Variants in LRP1B observed in about 807,000 individuals in gnomAD.
LRP1B encodes low-density lipoprotein receptor-related protein 1B.
A neutral mutation model predicts 556.6 loss-of-function variants in LRP1B; 217 were observed. That is an observed-to-expected ratio of 0.39 (90% CI 0.35 to 0.44). The LOEUF is 0.44. Among genes scored for constraint, LRP1B ranks in the 20% least tolerant of loss-of-function variants. The pLI, the probability that LRP1B is intolerant of heterozygous loss-of-function variation, is 1.00. For missense variants in LRP1B, 5,053 were observed against 5,620.8 expected, an observed-to-expected ratio of 0.90 and a Z score of 3.23; for synonymous variants, 2,047 against 1,865.8, an observed-to-expected ratio of 1.10 and a Z score of -2.50.
At chr2:140,562,937 A>T (rs1038265554) in intron 43 of LRP1B, among the ~76,000 whole-genome samples, 1 of 152,120 alleles carries the variant, frequency 6.6e-6, no homozygotes, top group African/African-American at 2.4e-5. Flanking sequence ...TAAGTTGAAA[A>T]GTAAAGTAAA....
intron 1 of LRP1B, among the ~76,000 whole-genome samples, chr2:141,862,999 T>G (rs1698298635): frequency 6.6e-6 from 1 of 152,212 alleles, no homozygotes; most frequent in Middle Eastern, 3.2e-3. Flanking sequence ...CTGAGCTCTC[T>G]CTTATGCATT....
At chr2:141,951,620 T>C (rs1311451387) in intron 1 of LRP1B, among the ~76,000 whole-genome samples, 1 of 152,156 alleles carries the variant, frequency 6.6e-6, no homozygotes, top group African/African-American at 2.4e-5. Context: ...AGTTTGCAAA[T>C]AATTGCTGAA....
intron 2 of LRP1B, among the ~76,000 whole-genome samples, chr2:141,575,823 T>C (rs1456050122): frequency 6.6e-6 from 1 of 151,314 alleles, no homozygotes; most frequent in East Asian, 1.9e-4. Flanking sequence ...AGAAGATATT[T>C]ATGTGGGCAA....
intron 1 of LRP1B, among the ~76,000 whole-genome samples, chr2:142,037,580 A>G (rs1389505588): frequency 6.6e-6 from 1 of 151,606 alleles, no homozygotes; most frequent in Non-Finnish European, 1.5e-5. Context: ...TCCATAAGCT[A>G]TTCCTTACAA....
At chr2:141,094,881 G>A (rs937792140) in intron 7 of LRP1B, among the ~76,000 whole-genome samples, 6 of 152,158 alleles carry the variant, frequency 3.9e-5, no homozygotes, top group Admixed American at 1.3e-4. Context: ...CTATGGTGAA[G>A]AATGACTGAC....
At chr2:141,777,440 G>A (rs1695113644) in intron 2 of LRP1B, among the ~76,000 whole-genome samples, 1 of 151,770 alleles carries the variant, frequency 6.6e-6, no homozygotes, top group Non-Finnish European at 1.5e-5. Context: ...TTTTGAGATG[G>A]AGTCTCACTC....
chr2:140,266,744 T>C (rs1682220472), intron 86 of LRP1B, among the ~76,000 whole-genome samples: 1 of 152,028 alleles, frequency 6.6e-6, no homozygotes, highest in South Asian at 2.1e-4. Flanking sequence ...ACATGTCTCT[T>C]CACGTATAAA....
At chr2:141,343,766 C>A (rs1688150944) in intron 3 of LRP1B, among the ~76,000 whole-genome samples, 1 of 152,120 alleles carries the variant, frequency 6.6e-6, no homozygotes, top group Admixed American at 6.5e-5. Context: ...TGCTTTTTAC[C>A]TAGCCTTGTA....
At chr2:140,548,281 C>T (rs1183051574) in intron 43 of LRP1B, among the ~76,000 whole-genome samples, 1 of 152,072 alleles carries the variant, frequency 6.6e-6, no homozygotes, top group Non-Finnish European at 1.5e-5. Context: ...ATTATAACAG[C>T]AAATGTATCA....
At chr2:141,145,536 T>TTA (rs1044802588) in intron 7 of LRP1B, among the ~76,000 whole-genome samples, 2 of 64,540 alleles carry the variant, frequency 3.1e-5, no homozygotes, top group Non-Finnish European at 5.4e-5. Context: ...TTAATTAAAC[T>TTA]TTTTTTTTTT....
chr2:140,466,201 C>T (rs760635003), intron 60 of LRP1B, among the ~76,000 whole-genome samples: 47 of 144,350 alleles, frequency 3.3e-4, no homozygotes, highest in Admixed American at 5.7e-4. Context: ...TATTGGGTTT[C>T]GGAATATGTG....
intron 3 of LRP1B, among the ~76,000 whole-genome samples, chr2:141,405,468 G>T (rs571045534): frequency 4.0e-4 from 61 of 152,094 alleles, no homozygotes; most frequent in African/African-American, 1.4e-3. Context: ...AATATAAAAG[G>T]AAATAATAAT....
At chr2:142,016,354 T>C (rs554426110) in intron 1 of LRP1B, among the ~76,000 whole-genome samples, 13 of 152,290 alleles carry the variant, frequency 8.5e-5, no homozygotes, top group African/African-American at 3.1e-4. Context: ...TTATAAATCA[T>C]TCTACTATAA....
intron 41 of LRP1B, among the ~76,000 whole-genome samples, chr2:140,667,974 C>T (rs542970745): frequency 6.6e-6 from 1 of 152,168 alleles, no homozygotes; most frequent in Non-Finnish European, 1.5e-5. Context: ...CTAAACAATA[C>T]ACATGAAAAC....
chr2:141,182,302 G>A (rs1322947143), intron 7 of LRP1B, among the ~76,000 whole-genome samples: 1 of 151,904 alleles, frequency 6.6e-6, no homozygotes, highest in Non-Finnish European at 1.5e-5. Flanking sequence ...AGATAAAAAA[G>A]CATTGGTAGG....
rs559525096 is a variant in LRP1B at position 140,256,936 on chromosome 2, C to A, written c.13248-9774G>T. ...AATTTAAAAAGTGTATATGGCATAC[C>A]AATATCAATATAATTATAATGTCTG... On this transcript the variant is annotated intron_variant, in intron 86 of 90. Transcript: ENST00000389484. 9.7e-5 allele frequency among the ~76,000 whole-genome samples: 14 copies of A among 144,920 alleles called. No homozygotes were observed. The South Asian group carries it at 2.7e-3, about 28-fold the overall frequency.
At chr2:140,247,710 G>A (rs919685777) in intron 86 of LRP1B, among the ~76,000 whole-genome samples, 4 of 151,608 alleles carry the variant, frequency 2.6e-5, no homozygotes, top group Non-Finnish European at 5.9e-5. Context: ...ATGAAGTCAA[G>A]AGAATGTGCC....
rs2105485159 is a variant in LRP1B at position 141,072,328 on chromosome 2, G to A, written c.1014-10055C>T. Among the ~76,000 whole-genome samples, 3 of 152,026 alleles carry A rather than the reference G, an allele frequency of 2.0e-5. No homozygotes were observed. In the South Asian group the frequency reaches 6.2e-4, roughly 32 times the overall value. On this transcript the variant is annotated intron_variant, in intron 7 of 90. Coordinates refer to ENST00000389484, the MANE Select transcript of LRP1B (RefSeq NM_018557.3). ...CTTGTATGTCATTATTTTTATTTCGGTACCCAGGTTTCTGTCTTTTTGACC... is the reference window on the plus strand; with the variant it reads ...CTTGTATGTCATTATTTTTATTTCGATACCCAGGTTTCTGTCTTTTTGACC...
chr2:141,198,333 A>C (rs1246222374), intron 6 of LRP1B, among the ~76,000 whole-genome samples: 2 of 152,160 alleles, frequency 1.3e-5, no homozygotes, highest in Non-Finnish European at 2.9e-5. Context: ...ATCCTAAATC[A>C]GAGAAGGCTC....
Sources: gnomAD v4.1 joint callset for allele counts (sites outside exome capture counted in the v4.1 genomes callset) on GRCh38, gnomAD v4.1.1 for gene constraint, MANE v1.5 for transcripts, NCBI Gene and HGNC (gene_info 2026-07-23, HGNC 2026-07-21) for gene names.